The following TBC1D5 variants were observed in gnomAD, a reference collection of about 807,000 sequenced individuals.
TBC1D5 encodes TBC1 domain family, member 5.
Under a neutral mutation model 100.3 loss-of-function variants are expected in TBC1D5, and 75 were observed. The ratio of observed to expected loss-of-function variants is 0.75; its 90% confidence interval spans 0.62 to 0.91. The LOEUF is 0.91. TBC1D5 is among the 40% of genes least tolerant of loss of function. TBC1D5 has a pLI of 0.00. For missense variants in TBC1D5, 910 were observed against 942.4 expected, an observed-to-expected ratio of 0.97 and a Z score of 0.45; for synonymous variants, 323 against 325.6, an observed-to-expected ratio of 0.99 and a Z score of 0.09.
At chr3:17,650,906 T>C (rs1252145313) in intron 1 of TBC1D5, among the ~76,000 whole-genome samples, 1 of 152,226 alleles carries the variant, frequency 6.6e-6, no homozygotes, top group African/African-American at 2.4e-5. Context: ...GAAGGAACAT[T>C]CAGATTTTAT....
intron 13 of TBC1D5, among the ~76,000 whole-genome samples, chr3:17,339,001 A>C (rs2088413973): frequency 6.6e-6 from 1 of 152,238 alleles, no homozygotes; most frequent in Non-Finnish European, 1.5e-5. Context: ...CTGCTTCTAC[A>C]GAAGTTAGCA....
At chr3:17,631,441 A>C (rs1169350462) in intron 1 of TBC1D5, among the ~76,000 whole-genome samples, 1 of 152,234 alleles carries the variant, frequency 6.6e-6, no homozygotes, top group African/African-American at 2.4e-5. Context: ...AGTTGTCCAG[A>C]ATAGTTAAGA....
chr3:17,386,254 C>T (rs2093149644), intron 8 of TBC1D5, among the ~76,000 whole-genome samples: 1 of 152,064 alleles, frequency 6.6e-6, no homozygotes, highest in African/African-American at 2.4e-5. Flanking sequence ...TGCACGTCCC[C>T]TTCCTCATCT....
At chr3:17,717,257 CAA>C (rs11322595) in intron 1 of TBC1D5, among the ~76,000 whole-genome samples, 42 of 140,760 alleles carry the variant, frequency 3.0e-4, no homozygotes, top group Admixed American at 6.3e-4. Flanking sequence ...AAGGATTTTT[CAA>C]AAAAAAAAAA....
intron 3 of TBC1D5, among the ~76,000 whole-genome samples, chr3:17,499,350 C>A (rs2095755452): frequency 6.6e-6 from 1 of 152,032 alleles, no homozygotes; most frequent in African/African-American, 2.4e-5. Flanking sequence ...ATGTGAGAAG[C>A]CAAGTGATAA....
chr3:17,378,531 T>C (rs1350481271), intron 9 of TBC1D5, among the ~76,000 whole-genome samples: 1 of 151,936 alleles, frequency 6.6e-6, no homozygotes, highest in Admixed American at 6.6e-5. Flanking sequence ...ATGAAATGTT[T>C]CGTTTCCTTG....
chr3:17,742,019 T>G (rs1230684441), upstream of TBC1D5, among the ~76,000 whole-genome samples: 1 of 151,900 alleles, frequency 6.6e-6, no homozygotes, highest in Non-Finnish European at 1.5e-5. Flanking sequence ...GGGGCCCAAA[T>G]GAACATGGAA....
intron 13 of TBC1D5, among the ~76,000 whole-genome samples, chr3:17,321,916 TCTAA>T (rs1382068684): frequency 1.3e-5 from 2 of 152,266 alleles, no homozygotes; most frequent in Admixed American, 6.5e-5. Flanking sequence ...ACCAATTATA[TCTAA>T]CTGATTAAAG....
At chr3:17,177,242 T>C (rs1482052286) in intron 19 of TBC1D5, among the ~76,000 whole-genome samples, 2 of 152,180 alleles carry the variant, frequency 1.3e-5, no homozygotes, top group East Asian at 1.9e-4. Context: ...GGCCCTATTA[T>C]TGGAGTGGTG....
chr3:17,407,741 G>C (rs1397677382), intron 4 of TBC1D5, among the ~76,000 whole-genome samples: 1 of 152,102 alleles, frequency 6.6e-6, no homozygotes, highest in Non-Finnish European at 1.5e-5. Context: ...AGAACTTCCA[G>C]CTTTAACCCA....
intron 2 of TBC1D5, among the ~76,000 whole-genome samples, chr3:17,522,574 A>G (rs1201114316): frequency 1.3e-5 from 2 of 152,128 alleles, no homozygotes; most frequent in South Asian, 4.1e-4. Context: ...AAACAATTCT[A>G]TAAACTCTAC....
intron 2 of TBC1D5, among the ~76,000 whole-genome samples, chr3:17,558,921 A>G (rs926872989): frequency 3.3e-5 from 5 of 152,272 alleles, no homozygotes; most frequent in Admixed American, 2.6e-4. Flanking sequence ...GCCAGGCCAG[A>G]TTTGCCTCAT....
intron 18 of TBC1D5, among the ~76,000 whole-genome samples, chr3:17,206,741 T>C (rs2072243555): frequency 6.6e-6 from 1 of 152,206 alleles, no homozygotes; most frequent in Non-Finnish European, 1.5e-5. Context: ...CCTTTTTTGA[T>C]TTCCTGTGGT....
chr3:17,411,732 G>T (rs977628468), intron 4 of TBC1D5, among the ~76,000 whole-genome samples: 1 of 152,112 alleles, frequency 6.6e-6, no homozygotes, highest in African/African-American at 2.4e-5. Flanking sequence ...TACTACTTAT[G>T]TAATGAAGGA....
chr3:17,651,238 A>G (rs1675256406), intron 1 of TBC1D5, among the ~76,000 whole-genome samples: 1 of 152,188 alleles, frequency 6.6e-6, no homozygotes, highest in Admixed American at 6.5e-5. Context: ...AAAAATTAAC[A>G]CATTTCCAGC....
exon 22 of TBC1D5, chr3:17,157,797 A>ATAT (rs1462928124): frequency 1.3e-5 from 2 of 152,244 alleles, no homozygotes; most frequent in Non-Finnish European, 2.9e-5. Flanking sequence ...ACAGAGTTTG[A>ATAT]TATTTGTTCA....
chr3:17,654,800 T>C (rs892012886), intron 1 of TBC1D5, among the ~76,000 whole-genome samples: 1 of 152,136 alleles, frequency 6.6e-6, no homozygotes, highest in African/African-American at 2.4e-5. Flanking sequence ...TGGACTCTTT[T>C]TGGTTGGTAA....
chr3:17,584,658 A>G (rs1233510434), intron 2 of TBC1D5, among the ~76,000 whole-genome samples: 5 of 151,952 alleles, frequency 3.3e-5, no homozygotes, highest in Non-Finnish European at 7.4e-5. Flanking sequence ...AATTTTTTTA[A>G]TTTTTTAAGT....
At chr3:17,361,470 A>G (rs751758730) in intron 13 of TBC1D5, among the ~76,000 whole-genome samples, 2 of 152,096 alleles carry the variant, frequency 1.3e-5, no homozygotes, top group African/African-American at 4.8e-5. Context: ...TAGAATAAAC[A>G]ATCATTTCAC....
Sources: allele counts gnomAD v4.1 joint callset (sites outside exome capture counted in the v4.1 genomes callset), GRCh38; gene constraint gnomAD v4.1.1; transcripts MANE v1.5; gene names NCBI Gene and HGNC (gene_info 2026-07-23, HGNC 2026-07-21).